Variants in C5 observed in about 807,000 individuals in gnomAD.
C5 encodes the protein complement C5, also known as C3 and PZP-like alpha-2-macroglobulin domain-containing protein 4.
C5 carries 140 observed loss-of-function variants against 218.8 expected under a neutral mutation model. That is an observed-to-expected ratio of 0.64 (90% CI 0.56 to 0.74). The LOEUF (loss-of-function observed/expected upper bound fraction) is 0.74. Among genes scored for constraint, C5 ranks in the 30% least tolerant of loss-of-function variants. The pLI is 0.00. For missense variants in C5, 1,700 were observed against 1,969.6 expected (o/e 0.86, Z 2.59); for synonymous variants, 614 against 682.3 (o/e 0.90, Z 1.56).
intron 29 of C5, among the ~76,000 whole-genome samples, chr9:120,975,748 T>C (rs2046948496): frequency 1.3e-5 from 2 of 152,172 alleles, no homozygotes; most frequent in Non-Finnish European, 2.9e-5. Context: ...CCCAGAACCA[T>C]GAGGTAATAA....
intron 7 of C5, among the ~76,000 whole-genome samples, chr9:121,029,797 C>T (rs2047458247): frequency 1.3e-5 from 2 of 152,192 alleles, no homozygotes. Context: ...TCCATTGCCT[C>T]TTTGAGTGTT....
chr9:120,997,622 A>G lies in C5; in HGVS notation c.2715T>C (p.Ile905=), dbSNP rs139794186. The G allele has an allele frequency of 2.2e-5, 35 of 1,614,000 alleles. No individual in the cohort carries two copies. In the African/African-American group the frequency reaches 4.5e-4, roughly 21 times the overall value. ...GTGAAAAATTGATGTTGTGAAGGCC[A>G]ATTTCCAGAGGAAGCACAGTGAATG... ...LVTFTVLPLE[I]GLHNINFSLE... is the part of the protein sequence containing the mutation. Residue 905 remains isoleucine (I), a synonymous_variant, in exon 21 of 41, where the codon ATT becomes ATC. Transcript: ENST00000223642.
At chr9:120,958,235 A>G (rs540662898) in intron 38 of C5, among the ~76,000 whole-genome samples, 1 of 152,228 alleles carries the variant, frequency 6.6e-6, no homozygotes, top group African/African-American at 2.4e-5. Context: ...TTTCAGATTC[A>G]TAAGTCTTTA....
chr9:120,998,661 C>T (rs957478544), intron 20 of C5, among the ~76,000 whole-genome samples: 1 of 152,146 alleles, frequency 6.6e-6, no homozygotes, highest in African/African-American at 2.4e-5. Context: ...TTTTGGCATT[C>T]CTCTTATTAA....
intron 27 of C5, among the ~76,000 whole-genome samples, chr9:120,980,849 G>A (rs1026741488): frequency 4.0e-5 from 6 of 151,816 alleles, no homozygotes; most frequent in Non-Finnish European, 5.9e-5. Context: ...CGCCCGCCTC[G>A]GCCTCCCAAG....
chr9:121,039,264 G>T (rs1182753264), intron 3 of C5, among the ~76,000 whole-genome samples: 1 of 152,190 alleles, frequency 6.6e-6, no homozygotes, highest in Non-Finnish European at 1.5e-5. Flanking sequence ...AACCCAGTTT[G>T]TGTTTAGGTT....
At chr9:121,009,815 CTG>C (rs2047246915) in intron 17 of C5, among the ~76,000 whole-genome samples, 2 of 152,242 alleles carry the variant, frequency 1.3e-5, no homozygotes, top group Non-Finnish European at 2.9e-5. Context: ...CTAGCAGTGA[CTG>C]TGCAGCATGG....
chr9:121,002,222 A>ATGTATATATG (rs71370612), intron 20 of C5, among the ~76,000 whole-genome samples: 6 of 85,296 alleles, frequency 7.0e-5, no homozygotes, highest in Admixed American at 1.6e-4. Flanking sequence ...ATACGTATAT[A>ATGTATATATG]TATATATGTA....
chr9:120,957,010 CT>C, intron 39 of C5: 1 of 370,616 alleles, frequency 2.7e-6, no homozygotes, highest in Non-Finnish European at 5.2e-6. Context: ...CACGTATCCC[CT>C]GAACCTAAAA....
Position 121,005,948 on chromosome 9 carries a change from C to G in C5, c.2533G>C (p.Val845Leu), listed in dbSNP as rs771085885. The G allele has an allele frequency of 6.2e-7, 1 of 1,613,558 alleles. No homozygotes were observed. The highest frequency in any genetic ancestry group is 8.5e-7 in the Non-Finnish European group (1 of 1,179,762). ...RGEQIQLKGT[V>L]YNYRTSGMQF... ...ATCCCAGAAGTCCTATAGTTGTAAA[C>G]AGTTCCTTTCAATTGGATCTGTTCT... The change falls in exon 20 of 41, where the codon GTT becomes CTT. Residue 845 changes from valine (V) to leucine (L), a missense_variant. Physicochemically the swap from Val to Leu is conservative, Grantham distance 32. Transcript: ENST00000223642.
chr9:120,979,695 C>T (rs1354376939), intron 28 of C5: 4 of 264,868 alleles, frequency 1.5e-5, no homozygotes, highest in East Asian at 9.9e-5. Flanking sequence ...TGAGATCATC[C>T]GGGGAAACAC....
At chr9:121,042,946 A>G in intron 3 of C5, 58 bp downstream of exon 3, 1 of 1,406,300 alleles carries the variant, frequency 7.1e-7, no homozygotes, top group Non-Finnish European at 1.0e-6. Context: ...AAGCTCTACA[A>G]TATAGTGTCA....
chr9:121,049,603 T>C (rs2047656214), intron 1 of C5, among the ~76,000 whole-genome samples: 1 of 152,204 alleles, frequency 6.6e-6, no homozygotes, highest in Non-Finnish European at 1.5e-5. Context: ...CTTATTCTCA[T>C]ATATAAAATG....
At chr9:120,964,090 C>T (rs1369056103) in intron 33 of C5, among the ~76,000 whole-genome samples, 1 of 152,170 alleles carries the variant, frequency 6.6e-6, no homozygotes, top group East Asian at 1.9e-4. Flanking sequence ...TGGATTCTCA[C>T]GTTAGTTCAT....
intron 31 of C5, 99 bp downstream of exon 31, chr9:120,971,831 G>T: frequency 1.2e-6 from 1 of 868,566 alleles, no homozygotes; most frequent in Non-Finnish European, 1.9e-6. Flanking sequence ...GGTTACCCAA[G>T]CCCAGATTTC....
At chr9:120,974,628 C>G in intron 30 of C5, 151 bp downstream of exon 30, 1 of 750,866 alleles carries the variant, frequency 1.3e-6, no homozygotes. Flanking sequence ...CCTCAGTGCC[C>G]AGGATATAGC....
intron 20 of C5, among the ~76,000 whole-genome samples, chr9:121,002,238 G>GTACA (rs2047171427): frequency 1.0e-4 from 6 of 58,558 alleles, no homozygotes; most frequent in Non-Finnish European, 2.9e-4. Context: ...ATGTATATAT[G>GTACA]TATATGTATA....
chr9:121,058,424 GTGTATATATA>G, the C5 span, among the ~76,000 whole-genome samples: 7 of 152,062 alleles, frequency 4.6e-5, no homozygotes, highest in African/African-American at 1.4e-4. Context: ...AGATATATGT[GTGTATATATA>G]TGTATATATA....
chr9:121,038,760 C>T (rs1303699731), intron 3 of C5, among the ~76,000 whole-genome samples: 2 of 152,178 alleles, frequency 1.3e-5, no homozygotes, highest in Non-Finnish European at 2.9e-5. Flanking sequence ...ACCATAAACC[C>T]AGTATCTTTT....
Sources: allele counts gnomAD v4.1 joint callset (sites outside exome capture counted in the v4.1 genomes callset), GRCh38; gene constraint gnomAD v4.1.1; transcripts MANE v1.5; gene names NCBI Gene and HGNC (gene_info 2026-07-23, HGNC 2026-07-21).